SNTB2: variants seen among roughly 807,000 people sequenced by gnomAD.
SNTB2 encodes the protein beta-2-syntrophin.
SNTB2 carries 34 observed loss-of-function variants against 46.2 expected under a neutral mutation model. The observed-to-expected ratio is 0.74, with a 90% confidence interval of 0.56 to 0.98. The LOEUF is 0.98. Ranked by LOEUF, SNTB2 falls within the 50% of genes least tolerant of loss-of-function variation. SNTB2 has a pLI of 0.00. For missense variants in SNTB2, 603 were observed against 731.4 expected (o/e 0.82, Z 2.02); for synonymous variants, 290 against 312.6 (o/e 0.93, Z 0.76).
chr16:69,288,843 G>A (rs922006531), intron 5 of SNTB2, among the ~76,000 whole-genome samples: 12 of 152,094 alleles, frequency 7.9e-5, no homozygotes, highest in Non-Finnish European at 1.8e-4. Context: ...ATACACAAAG[G>A]GATACTATTT....
intron 1 of SNTB2, among the ~76,000 whole-genome samples, chr16:69,237,603 CTT>C (rs397706857): frequency 2.1e-4 from 25 of 118,746 alleles, no homozygotes; most frequent in Admixed American, 5.4e-4. Flanking sequence ...TTCTTTCTTT[CTT>C]TTTTTTTTTT....
chr16:69,231,664 A>C (rs1183779386), intron 1 of SNTB2, among the ~76,000 whole-genome samples: 1 of 152,158 alleles, frequency 6.6e-6, no homozygotes, highest in Non-Finnish European at 1.5e-5. Context: ...CCAAAGAAAA[A>C]TATGTAATTT....
chr16:69,299,537 T>C (rs1157459507), intron 5 of SNTB2, 53 bp from the exon 6 acceptor site: 2 of 1,557,766 alleles, frequency 1.3e-6, no homozygotes, highest in Non-Finnish European at 1.8e-6. Flanking sequence ...CCTTTTCACT[T>C]GATAACTGAC....
At chr16:69,255,162 A>G (rs2143072705) in intron 2 of SNTB2, among the ~76,000 whole-genome samples, 1 of 152,132 alleles carries the variant, frequency 6.6e-6, no homozygotes, top group African/African-American at 2.4e-5. Flanking sequence ...CAGTGGTACT[A>G]TCATAGCTCA....
At chr16:69,238,324 C>G (rs932835608) in intron 1 of SNTB2, among the ~76,000 whole-genome samples, 4 of 152,162 alleles carry the variant, frequency 2.6e-5, no homozygotes, top group Admixed American at 6.6e-5. Flanking sequence ...GGTACCCACT[C>G]TCTTTCCTAT....
rs952452970 is a variant in SNTB2, at chr16:69,262,684, A to AT, written c.1005+2434dup. ...ATTTTAATGTATTTTGAAATATACA[A>AT]TTTTTTTTTTGAAATGAGGTCTCAC... On this transcript the variant is annotated intron_variant, in intron 3 of 6. Transcript: ENST00000336278. Among the ~76,000 whole-genome samples, 79 of 147,884 alleles carry AT rather than the reference A, an allele frequency of 5.3e-4. 3 individuals carry two copies. The South Asian group carries it at 0.014, about 27-fold the overall frequency.
chr16:69,210,824 C>T (rs1298606273), intron 1 of SNTB2, among the ~76,000 whole-genome samples: 1 of 152,078 alleles, frequency 6.6e-6, no homozygotes. Flanking sequence ...GAAACCTCAT[C>T]CCTACTAAAA....
chr16:69,220,167 T>TC (rs1442744523), intron 1 of SNTB2, among the ~76,000 whole-genome samples: 17 of 144,108 alleles, frequency 1.2e-4, no homozygotes, highest in Non-Finnish European at 2.0e-4. Flanking sequence ...TTTTTTTTTT[T>TC]TTTTTTTTTT....
intron 4 of SNTB2, among the ~76,000 whole-genome samples, chr16:69,272,179 AAAT>A (rs1286568492): frequency 6.6e-6 from 1 of 152,198 alleles, no homozygotes; most frequent in Non-Finnish European, 1.5e-5. Flanking sequence ...GAAAGTGAAA[AAAT>A]AACTCACAGA....
intron 4 of SNTB2, among the ~76,000 whole-genome samples, chr16:69,278,337 G>A (rs962778737): frequency 2.0e-5 from 3 of 151,146 alleles, no homozygotes; most frequent in Non-Finnish European, 3.0e-5. Context: ...TAAAAAAAAA[G>A]AAAATATAAA....
chr16:69,190,357 A>G (rs1166416356), intron 1 of SNTB2, among the ~76,000 whole-genome samples: 2 of 152,208 alleles, frequency 1.3e-5, no homozygotes, highest in East Asian at 3.8e-4. Context: ...GTGGTTAAGG[A>G]ATTGAGTTAA....
chr16:69,187,833 G>A, intron 1 of SNTB2, 87 bp downstream of exon 1: 3 of 1,086,680 alleles, frequency 2.8e-6, no homozygotes, highest in South Asian at 1.9e-5. Context: ...CCGGCGGGGC[G>A]AGCCGGTTCT....
At chr16:69,205,389 G>A (rs1246737054) in intron 1 of SNTB2, among the ~76,000 whole-genome samples, 3 of 150,200 alleles carry the variant, frequency 2.0e-5, no homozygotes, top group South Asian at 2.1e-4. Flanking sequence ...CAGTAGAGAC[G>A]GGGTTTCACC....
At chr16:69,274,647 C>G (rs1964969410) in intron 4 of SNTB2, among the ~76,000 whole-genome samples, 1 of 132,348 alleles carries the variant, frequency 7.6e-6, no homozygotes, top group African/African-American at 2.9e-5. Context: ...AGCGAGACTC[C>G]ATCTCAAAAA....
chr16:69,288,826 G>A (rs563866329), intron 5 of SNTB2, among the ~76,000 whole-genome samples: 51 of 152,054 alleles, frequency 3.4e-4, no homozygotes, highest in African/African-American at 1.2e-3. Flanking sequence ...AAGAAAATAT[G>A]GTATATATAC....
chr16:69,248,398 C>T (rs946857304), intron 2 of SNTB2, among the ~76,000 whole-genome samples: 1 of 152,124 alleles, frequency 6.6e-6, no homozygotes, highest in Non-Finnish European at 1.5e-5. Context: ...CTTTGGGAGA[C>T]GGAGGCAGGT....
chr16:69,216,209 C>T (rs1682472861), intron 1 of SNTB2, among the ~76,000 whole-genome samples: 1 of 152,086 alleles, frequency 6.6e-6, no homozygotes, highest in African/African-American at 2.4e-5. Flanking sequence ...TGCTCTTTAC[C>T]ATGTACTCTG....
chr16:69,238,584 A>G (rs916926052), intron 1 of SNTB2, among the ~76,000 whole-genome samples: 3 of 152,262 alleles, frequency 2.0e-5, no homozygotes, highest in Non-Finnish European at 4.4e-5. Flanking sequence ...TGAACTGCAG[A>G]CTTATATATC....
chr16:69,195,336 T>A (rs1182299449), intron 1 of SNTB2, among the ~76,000 whole-genome samples: 2 of 152,158 alleles, frequency 1.3e-5, no homozygotes, highest in Non-Finnish European at 2.9e-5. Flanking sequence ...AATGGCATGA[T>A]CATTGCTTAC....
Sources: allele counts gnomAD v4.1 joint callset (sites outside exome capture counted in the v4.1 genomes callset), GRCh38; gene constraint gnomAD v4.1.1; transcripts MANE v1.5; gene names NCBI Gene and HGNC (gene_info 2026-07-23, HGNC 2026-07-21).